CDC40: variants seen among roughly 807,000 people sequenced by gnomAD.
The protein encoded by CDC40 is pre-mRNA-processing factor 17.
CDC40 carries 27 observed loss-of-function variants against 80.6 expected under a neutral mutation model. The observed-to-expected ratio is 0.33, with a 90% CI of 0.25 to 0.46. The LOEUF is 0.46. CDC40 is among the 20% of genes least tolerant of loss of function. The pLI, the probability that CDC40 is intolerant of heterozygous loss-of-function variation, is 1.00. For missense variants in CDC40, 486 were observed against 694.1 expected (o/e 0.70, Z 3.37); for synonymous variants, 221 against 232.6 (o/e 0.95, Z 0.45).
At chr6:110,180,659 T>C in intron 1 of CDC40, 26 bp downstream of exon 1, 1 of 1,562,364 alleles carries the variant, frequency 6.4e-7, no homozygotes, top group East Asian at 2.3e-5. Context: ...ACTAATGCAG[T>C]GTGGGAATTG....
At chr6:110,216,155 A>G (rs377734620) in intron 9 of CDC40, among the ~76,000 whole-genome samples, 7 of 152,352 alleles carry the variant, frequency 4.6e-5, no homozygotes, top group African/African-American at 1.7e-4. Context: ...TAAAAAAAGG[A>G]TGAGATTGAG....
intron 3 of CDC40, among the ~76,000 whole-genome samples, chr6:110,206,229 C>G (rs114797388): frequency 3.3e-5 from 5 of 152,152 alleles, no homozygotes; most frequent in South Asian, 4.1e-4. Flanking sequence ...GCTACACCTC[C>G]CCGGTTCACA....
intron 1 of CDC40, among the ~76,000 whole-genome samples, chr6:110,190,109 T>A (rs1265833278): frequency 6.6e-6 from 1 of 152,230 alleles, no homozygotes; most frequent in African/African-American, 2.4e-5. Flanking sequence ...ATAAAAGCCA[T>A]GTGCAACAAA....
At chr6:110,209,063 A>ATTTTTTT in intron 4 of CDC40, 21 bp from the exon 5 acceptor site, 2 of 1,247,398 alleles carry the variant, frequency 1.6e-6, no homozygotes, top group Non-Finnish European at 1.1e-6. Context: ...TTTTTTTTTA[A>ATTTTTTT]TTTTTTTTTT....
intron 12 of CDC40, among the ~76,000 whole-genome samples, chr6:110,222,471 C>T (rs1355963006): frequency 6.6e-6 from 1 of 152,018 alleles, no homozygotes; most frequent in Non-Finnish European, 1.5e-5. Flanking sequence ...GCAGGAGAAT[C>T]GCTTGAACCC....
chr6:110,211,858 G>T (rs1164074073), intron 6 of CDC40: 3 of 273,050 alleles, frequency 1.1e-5, no homozygotes, highest in Non-Finnish European at 1.4e-5. Flanking sequence ...TCACTAAGAT[G>T]TGTAAGTGAT....
intron 2 of CDC40, among the ~76,000 whole-genome samples, chr6:110,201,017 C>T (rs377503427): frequency 3.2e-4 from 48 of 152,148 alleles, no homozygotes; most frequent in African/African-American, 1.1e-3. Context: ...TATCCTCCAC[C>T]CCCAATGGAA....
chr6:110,231,433 G>A lies in CDC40; in HGVS notation c.*1302G>A, dbSNP rs1777936462. 6.6e-6 allele frequency: 1 copy of A among 152,216 alleles called. No individual in the cohort carries two copies. The highest frequency in any genetic ancestry group is 6.5e-5 in the Admixed American group (1 of 15,288). 9.4% of individuals were successfully genotyped at this position (152,216 alleles called of 1,614,324 possible). On this transcript the variant is annotated 3_prime_UTR_variant, in exon 15 of 15. Coordinates refer to ENST00000307731, the MANE Select transcript of CDC40 (RefSeq NM_015891.3). Reference sequence around the variant, plus strand: ...GGAGAATTGCTTGAACCCAGGAGTGGAGGTTGCAGTGAGCTGAGATCATGC... The same window carrying A: ...GGAGAATTGCTTGAACCCAGGAGTGAAGGTTGCAGTGAGCTGAGATCATGC...
chr6:110,198,613 T>C (rs946109716), intron 2 of CDC40, among the ~76,000 whole-genome samples: 6 of 152,224 alleles, frequency 3.9e-5, no homozygotes, highest in Non-Finnish European at 7.3e-5. Flanking sequence ...TTACCAGATG[T>C]ATGGTTTGCA....
At chr6:110,207,960 CTTTA>C (rs1410290237) in intron 4 of CDC40, among the ~76,000 whole-genome samples, 1 of 152,164 alleles carries the variant, frequency 6.6e-6, no homozygotes, top group Non-Finnish European at 1.5e-5. Context: ...AGTAGAAATA[CTTTA>C]TTTGGTAAGT....
intron 12 of CDC40, among the ~76,000 whole-genome samples, chr6:110,224,783 C>G (rs189426255): frequency 6.6e-6 from 1 of 152,306 alleles, no homozygotes; most frequent in East Asian, 1.9e-4. Context: ...TCCACAGCTC[C>G]TGGTATGAAG....
At chr6:110,226,828 G>A (rs1777868200) in intron 13 of CDC40, among the ~76,000 whole-genome samples, 1 of 152,074 alleles carries the variant, frequency 6.6e-6, no homozygotes, top group Non-Finnish European at 1.5e-5. Context: ...ACTAGCCTGG[G>A]CAACATAGAG....
rs570367570 is a variant in CDC40 at position 110,199,648 on chromosome 6, G to C, written c.277-1910G>C. 1.6e-4 allele frequency among the ~76,000 whole-genome samples: 24 copies of C among 151,220 alleles called. No individual in the cohort carries two copies. In the East Asian group the frequency reaches 4.7e-3, roughly 29 times the overall value. On this transcript the variant is annotated intron_variant, in intron 2 of 14. Transcript: ENST00000307731. Reference sequence around the variant, plus strand: ...GGTATGTATGGCCTGTAGAAAAATTGTTCTTTCTTTTTTAGTAAAATCTGA... The same window carrying C: ...GGTATGTATGGCCTGTAGAAAAATTCTTCTTTCTTTTTTAGTAAAATCTGA...
chr6:110,198,489 TTA>T (rs541510535), intron 2 of CDC40, among the ~76,000 whole-genome samples: 128 of 152,308 alleles, frequency 8.4e-4, no homozygotes, highest in African/African-American at 2.9e-3. Flanking sequence ...TGTTGGCTAT[TTA>T]TATGTCTTTT....
At chr6:110,220,731 C>T (rs1777764933) in intron 12 of CDC40, among the ~76,000 whole-genome samples, 1 of 152,298 alleles carries the variant, frequency 6.6e-6, no homozygotes, top group East Asian at 1.9e-4. Context: ...AGGCGTGAGC[C>T]ACTGCACCCA....
chr6:110,223,805 T>TGG (rs780048357), intron 12 of CDC40, among the ~76,000 whole-genome samples: 2 of 80,714 alleles, frequency 2.5e-5, no homozygotes, highest in Non-Finnish European at 4.7e-5. Context: ...TTGTAGGGTT[T>TGG]TGTTTTGTTT....
At chr6:110,215,364 G>T in intron 9 of CDC40, 33 bp downstream of exon 9, 1 of 1,566,618 alleles carries the variant, frequency 6.4e-7, no homozygotes, top group Non-Finnish European at 8.8e-7. Flanking sequence ...CATAAATCTG[G>T]GAAGAATTTT....
Position 110,209,150 on chromosome 6 carries a change from C to A in CDC40, c.557C>A (p.Ala186Glu). ...EKRKKFKEND[A>E]SNIDGFLGPW... ...AGGAAAAAGTTTAAAGAAAATGATG[C>A]ATCCAATATTGATGGTTTTTTGGGA... The change falls in exon 5 of 15, where the codon GCA (alanine) becomes GAA (glutamate). Residue 186 changes from alanine to glutamate, a missense_variant. Around this residue, in one of 3 missense-constraint regions of CDC40, gnomAD observed 381 missense variants for 492.1 expected, o/e 0.77. Coordinates refer to ENST00000307731, the MANE Select transcript of CDC40 (RefSeq NM_015891.3). The A allele has an allele frequency of 1.2e-6, 2 of 1,602,754 alleles. No individual in the cohort carries two copies. The highest frequency in any genetic ancestry group is 1.7e-6 in the Non-Finnish European group (2 of 1,170,272).
intron 3 of CDC40, 99 bp downstream of exon 3, chr6:110,201,786 G>A (rs1218854996): frequency 3.1e-6 from 3 of 960,608 alleles, no homozygotes; most frequent in Non-Finnish European, 3.1e-6. Context: ...AAAATTCACT[G>A]GATTCCTTCA....
Sources: gnomAD v4.1 joint callset for allele counts (sites outside exome capture counted in the v4.1 genomes callset) on GRCh38, gnomAD v4.1.1 for gene constraint, gnomAD v4.1.1 regional missense constraint, MANE v1.5 for transcripts, NCBI Gene and HGNC (gene_info 2026-07-23, HGNC 2026-07-21) for gene names.